AGO3: variants seen among roughly 807,000 people sequenced by gnomAD.
AGO3 encodes argonaute RISC catalytic component 3.
A neutral mutation model predicts 105.5 loss-of-function variants in AGO3; 16 were observed. The ratio of observed to expected loss-of-function variants is 0.15; its 90% CI spans 0.10 to 0.23. The LOEUF (loss-of-function observed/expected upper bound fraction) is 0.23. Among genes scored for constraint, AGO3 ranks in the 10% least tolerant of loss-of-function variants. The probability of loss-of-function intolerance (pLI) is 1.00; values close to 1 mark genes in which losing one functional copy is unlikely to be tolerated. For synonymous variants in AGO3, 340 were observed against 367.3 expected, an observed-to-expected ratio of 0.93 and a Z score of 0.85; for missense variants, 534 against 1,088.0, an observed-to-expected ratio of 0.49 and a Z score of 7.16.
intron 3 of AGO3, among the ~76,000 whole-genome samples, chr1:35,971,165 A>AT (rs947020507): frequency 2.0e-5 from 3 of 146,458 alleles, no homozygotes; most frequent in Non-Finnish European, 3.0e-5. Context: ...TATTTATTTT[A>AT]TTTATTTATT....
At chr1:36,016,382 C>G (rs1640904071) in intron 11 of AGO3, among the ~76,000 whole-genome samples, 1 of 151,992 alleles carries the variant, frequency 6.6e-6, no homozygotes, top group South Asian at 2.1e-4. Context: ...GGGTTTCACT[C>G]TGTTGGCCAG....
At chr1:36,018,534 G>A (rs1368825448) in intron 11 of AGO3, among the ~76,000 whole-genome samples, 1 of 151,808 alleles carries the variant, frequency 6.6e-6, no homozygotes, top group Non-Finnish European at 1.5e-5. Flanking sequence ...CCGGGTTCAA[G>A]CAATTCCCCT....
At chr1:36,047,490 T>C (rs749080462) in intron 17 of AGO3, among the ~76,000 whole-genome samples, 2 of 150,600 alleles carry the variant, frequency 1.3e-5, no homozygotes, top group Non-Finnish European at 3.0e-5. Context: ...GAAGAGCGCC[T>C]CTGAGACTTA....
At chr1:36,051,922 A>G (rs187910576) in intron 17 of AGO3, among the ~76,000 whole-genome samples, 33 of 152,340 alleles carry the variant, frequency 2.2e-4, no homozygotes, top group Admixed American at 2.2e-3. Context: ...ATTATCAAAA[A>G]GACAAAGAAT....
At chr1:35,984,690 CAG>C (rs1647129426) in intron 5 of AGO3, 1 of 152,156 alleles carries the variant, frequency 6.6e-6, no homozygotes, top group African/African-American at 2.4e-5. Flanking sequence ...TTTTATTCAC[CAG>C]TGTACCCTCT....
chr1:36,034,566 A>C (rs1261782623), intron 13 of AGO3, among the ~76,000 whole-genome samples: 2 of 152,180 alleles, frequency 1.3e-5, no homozygotes, highest in African/African-American at 4.8e-5. Flanking sequence ...GGAAAGAATG[A>C]AGCAAAGCAA....
At position 36,059,748 on chromosome 1, in the gene AGO3, TA is replaced by T. The variant is rs1226544542; in HGVS notation, c.*4005del. On this transcript the variant is annotated 3_prime_UTR_variant, in exon 19 of 19. Coordinates refer to ENST00000373191, the MANE Select transcript of AGO3 (RefSeq NM_024852.4). ...TTCTGACAGTTACTGCACTAAACAG[TA>T]AGGAGATAAGCAGGATTCAAGGCTA... 2 of 152,094 alleles carry T rather than the reference TA, an allele frequency of 1.3e-5. No homozygotes were observed. Among genetic ancestry groups the T allele is most frequent in the Non-Finnish European group, 1.5e-5 (1 of 68,016 alleles). The allele number at this position is 152,094 out of a possible 1,614,324, so 9.4% of individuals were successfully genotyped here. A position where few individuals can be genotyped will look rare whatever the true frequency, so the allele number is the denominator to read the frequency against.
At chr1:35,950,109 T>C (rs1268228951) in intron 2 of AGO3, among the ~76,000 whole-genome samples, 1 of 151,920 alleles carries the variant, frequency 6.6e-6, no homozygotes, top group Non-Finnish European at 1.5e-5. Context: ...TAATCCCAGC[T>C]ACTCGGGAGA....
chr1:35,989,776 G>A (rs1647441963), intron 5 of AGO3, among the ~76,000 whole-genome samples: 2 of 152,020 alleles, frequency 1.3e-5, no homozygotes, highest in Admixed American at 6.6e-5. Context: ...TCAGGAGGTT[G>A]AGGTGGGAGA....
chr1:36,053,611 G>GC, intron 17 of AGO3, among the ~76,000 whole-genome samples: 1 of 152,086 alleles, frequency 6.6e-6, no homozygotes, highest in African/African-American at 2.4e-5. Flanking sequence ...ACAGGGTCTT[G>GC]CTGTGTTGCC....
intron 12 of AGO3, among the ~76,000 whole-genome samples, chr1:36,031,560 T>C (rs1641777062): frequency 6.6e-6 from 1 of 152,156 alleles, no homozygotes; most frequent in African/African-American, 2.4e-5. Flanking sequence ...ACTAAGTCAT[T>C]CTGGAATTCT....
chr1:36,050,859 TTTTG>T (rs1298398493), intron 17 of AGO3, among the ~76,000 whole-genome samples: 3 of 152,082 alleles, frequency 2.0e-5, no homozygotes, highest in Admixed American at 1.3e-4. Flanking sequence ...TTTTGTTTTG[TTTTG>T]TTTGAGACAG....
intron 9 of AGO3, among the ~76,000 whole-genome samples, chr1:36,011,633 G>A (rs754576675): frequency 1.3e-5 from 2 of 152,074 alleles, no homozygotes; most frequent in African/African-American, 2.4e-5. Context: ...AACAACCCTG[G>A]GTTGGAAGTC....
chr1:36,022,188 C>T (rs1641267808), intron 11 of AGO3, among the ~76,000 whole-genome samples: 1 of 151,694 alleles, frequency 6.6e-6, no homozygotes, highest in Non-Finnish European at 1.5e-5. Context: ...TGTCAGCCTC[C>T]CAAGTGGCTG....
At chr1:35,971,938 C>T in intron 3 of AGO3, 86 bp from the exon 4 acceptor site, 1 of 1,287,324 alleles carries the variant, frequency 7.8e-7, no homozygotes. Flanking sequence ...GCCATGTTTT[C>T]TCTTAGATAT....
chr1:36,020,606 C>CATTTATTT (rs367968988), intron 11 of AGO3, among the ~76,000 whole-genome samples: 5 of 151,814 alleles, frequency 3.3e-5, no homozygotes, highest in Admixed American at 6.6e-5. Flanking sequence ...AACTGCCATA[C>CATTTATTT]ATTTATTTAT....
intron 2 of AGO3, among the ~76,000 whole-genome samples, chr1:35,963,422 A>C (rs1227614408): frequency 6.6e-6 from 1 of 152,208 alleles, no homozygotes; most frequent in Non-Finnish European, 1.5e-5. Flanking sequence ...TAAAACATCT[A>C]ATGCAGAGGG....
intron 5 of AGO3, among the ~76,000 whole-genome samples, chr1:36,003,718 A>AAG (rs1405760512): frequency 7.8e-6 from 1 of 128,222 alleles, no homozygotes; most frequent in East Asian, 2.1e-4. Flanking sequence ...AAATATATAT[A>AAG]TATATATATA....
At chr1:36,003,732 A>G (rs1271247975) in intron 5 of AGO3, among the ~76,000 whole-genome samples, 2 of 142,444 alleles carry the variant, frequency 1.4e-5, no homozygotes, top group Non-Finnish European at 3.1e-5. Flanking sequence ...ATATATATAT[A>G]TATATATGTA....
Sources: gnomAD v4.1 joint callset for allele counts (sites outside exome capture counted in the v4.1 genomes callset) on GRCh38, gnomAD v4.1.1 for gene constraint, MANE v1.5 for transcripts, NCBI Gene and HGNC (gene_info 2026-07-23, HGNC 2026-07-21) for gene names.